The following AXDND1 variants were observed in gnomAD, a reference collection of about 807,000 sequenced individuals.
AXDND1 encodes axonemal dynein light chain domain-containing protein 1.
Under a neutral mutation model 137.5 loss-of-function variants are expected in AXDND1, and 110 were observed. That is an observed-to-expected ratio of 0.80 (90% CI 0.69 to 0.94). AXDND1 has a LOEUF of 0.94. Among genes scored for constraint, AXDND1 ranks in the 40% least tolerant of loss-of-function variants. AXDND1 has a pLI of 0.00. For synonymous variants in AXDND1, 414 were observed against 399.7 expected (o/e 1.04, Z -0.43); for missense variants, 1,191 against 1,169.8 (o/e 1.02, Z -0.26).
At chr1:179,383,989 T>C (rs909308511) in intron 8 of AXDND1, among the ~76,000 whole-genome samples, 15 of 152,156 alleles carry the variant, frequency 9.9e-5, no homozygotes, top group African/African-American at 3.4e-4. Context: ...CCTCCCAAAG[T>C]GCTGGGATTA....
At chr1:179,473,653 C>T (rs1159462831) in intron 17 of AXDND1, among the ~76,000 whole-genome samples, 6 of 152,044 alleles carry the variant, frequency 3.9e-5, no homozygotes, top group Non-Finnish European at 1.5e-5. Context: ...TCTGTGTCCC[C>T]ACCCAAATCT....
intron 20 of AXDND1, among the ~76,000 whole-genome samples, chr1:179,502,562 TAA>T (rs35740934): frequency 0.15 from 12,522 of 80,926 alleles, 699 homozygotes; most frequent in East Asian, 0.38. Flanking sequence ...AAACTCTGTC[TAA>T]AAAAAAAAAA....
intron 9 of AXDND1, among the ~76,000 whole-genome samples, chr1:179,388,563 A>G (rs1309462216): frequency 2.0e-5 from 3 of 151,598 alleles, no homozygotes; most frequent in African/African-American, 7.3e-5. Context: ...CCCATCTATT[A>G]TTAACTCAAC....
rs773299623 is a variant in AXDND1 at position 179,440,085 on chromosome 1, A to G, written c.1564-4885A>G. ...AAAAAATTTAAAGTAAATAAAGCTAAATATAGTTTTGATTGAGGTGGCAGT... is the reference window on the plus strand; with the variant it reads ...AAAAAATTTAAAGTAAATAAAGCTAGATATAGTTTTGATTGAGGTGGCAGT... On this transcript the variant is annotated intron_variant, in intron 15 of 25. Coordinates refer to ENST00000367618, the MANE Select transcript of AXDND1 (RefSeq NM_144696.6). Among the ~76,000 whole-genome samples, 19 of 152,148 alleles carry G rather than the reference A, an allele frequency of 1.2e-4. 1 individual carries two copies. Among genetic ancestry groups the G allele is most frequent in the Admixed American group, 3.3e-4 (5 of 15,282 alleles).
intron 11 of AXDND1, among the ~76,000 whole-genome samples, chr1:179,407,703 C>T (rs1291554449): frequency 6.6e-6 from 1 of 152,030 alleles, no homozygotes; most frequent in Non-Finnish European, 1.5e-5. Context: ...TGTAATATGC[C>T]TTAGAAAATA....
chr1:179,511,706 G>A lies in AXDND1; in HGVS notation c.2496+2303G>A, dbSNP rs9633311. ...AGTGTAGAAGTGTTCCTTGATGACC[G>A]CATTCATGGCAACATCTACCGTTTC... On this transcript the variant is annotated intron_variant, in intron 21 of 25. Coordinates refer to ENST00000367618, the MANE Select transcript of AXDND1 (RefSeq NM_144696.6). Among the ~76,000 whole-genome samples the A allele has an allele frequency of 3.3e-5, 5 of 152,106 alleles. No homozygotes were observed. The East Asian group carries it at 5.8e-4, about 18-fold the overall frequency.
At chr1:179,482,620 T>A (rs1665555173) in intron 17 of AXDND1, among the ~76,000 whole-genome samples, 1 of 152,130 alleles carries the variant, frequency 6.6e-6, no homozygotes, top group South Asian at 2.1e-4. Flanking sequence ...CCTTTCTTAC[T>A]GAATCTTCAT....
At chr1:179,507,538 G>A (rs1209958824) in intron 20 of AXDND1, among the ~76,000 whole-genome samples, 1 of 152,186 alleles carries the variant, frequency 6.6e-6, no homozygotes, top group Admixed American at 6.5e-5. Context: ...GCAGTGGTGT[G>A]ATAGAAACTC....
At chr1:179,400,845 C>T (rs1245322798) in intron 11 of AXDND1, among the ~76,000 whole-genome samples, 6 of 124,730 alleles carry the variant, frequency 4.8e-5, no homozygotes, top group African/African-American at 1.8e-4. Context: ...GCAGAGTTTG[C>T]AGTGAGCCGA....
intron 16 of AXDND1, among the ~76,000 whole-genome samples, chr1:179,465,816 C>A (rs919198663): frequency 6.6e-6 from 1 of 152,194 alleles, no homozygotes; most frequent in Non-Finnish European, 1.5e-5. Context: ...CAAGCCTTAG[C>A]AATGGCGGAC....
At chr1:179,533,713 T>G in intron 23 of AXDND1, 82 bp from the exon 24 acceptor site, 1 of 1,092,036 alleles carries the variant, frequency 9.2e-7, no homozygotes, top group Non-Finnish European at 1.4e-6. Flanking sequence ...TTCTAGAAGG[T>G]TTGATCCAGA....
At chr1:179,522,958 G>A (rs1670204169) in intron 21 of AXDND1, among the ~76,000 whole-genome samples, 2 of 151,060 alleles carry the variant, frequency 1.3e-5, no homozygotes, top group South Asian at 4.2e-4. Flanking sequence ...CCTATTGTGG[G>A]CATTGAGCTT....
rs889278567 is a variant in AXDND1, at chr1:179,552,729, G to A, written c.3032-1783G>A. On this transcript the variant is annotated intron_variant, in intron 25 of 25. Transcript: ENST00000367618. ...ATGTAGGTGTGCAGCCATGATTTAG[G>A]GGCCAAAGCTTTCACACAGACTTGC... The A allele has an allele frequency of 4.8e-6, 7 of 1,446,638 alleles. No individual in the cohort carries two copies. The African/African-American group carries it at 9.8e-5, about 20-fold the overall frequency. 89.6% of individuals were successfully genotyped at this position (1,446,638 alleles called of 1,614,324 possible). A position where few individuals can be genotyped will look rare whatever the true frequency, so the allele number is the denominator to read the frequency against.
chr1:179,424,170 T>G (rs944010781), intron 12 of AXDND1, among the ~76,000 whole-genome samples: 12 of 152,144 alleles, frequency 7.9e-5, no homozygotes, highest in African/African-American at 2.7e-4. Flanking sequence ...TACAGCACTT[T>G]GAAAATGTCA....
At chr1:179,449,789 A>G (rs1660271964) in intron 16 of AXDND1, 1 of 151,930 alleles carries the variant, frequency 6.6e-6, no homozygotes, top group Non-Finnish European at 1.5e-5. Flanking sequence ...ATTTTTTCTC[A>G]GTTCTATTTT....
At chr1:179,384,267 T>G (rs1398357916) in intron 8 of AXDND1, among the ~76,000 whole-genome samples, 2 of 152,192 alleles carry the variant, frequency 1.3e-5, no homozygotes, top group Non-Finnish European at 2.9e-5. Context: ...TCTGTCTACA[T>G]ATGCATCACT....
chr1:179,367,643 A>G (rs954592233), intron 2 of AXDND1, among the ~76,000 whole-genome samples: 1 of 152,214 alleles, frequency 6.6e-6, no homozygotes, highest in African/African-American at 2.4e-5. Context: ...AGGCTGAGGC[A>G]GGAGAATCAC....
intron 15 of AXDND1, among the ~76,000 whole-genome samples, chr1:179,436,245 G>C (rs1658131565): frequency 6.6e-6 from 1 of 152,170 alleles, no homozygotes. Flanking sequence ...ATTGTTGGTG[G>C]GAATGTAAAT....
chr1:179,383,999 A>G (rs902519933), intron 8 of AXDND1, among the ~76,000 whole-genome samples: 1 of 152,156 alleles, frequency 6.6e-6, no homozygotes, highest in Non-Finnish European at 1.5e-5. Flanking sequence ...TGCTGGGATT[A>G]CAGGCATGAA....
Sources: gnomAD v4.1 joint callset for allele counts (sites outside exome capture counted in the v4.1 genomes callset) on GRCh38, gnomAD v4.1.1 for gene constraint, MANE v1.5 for transcripts, NCBI Gene and HGNC (gene_info 2026-07-23, HGNC 2026-07-21) for gene names.